The following ANOS1 variants were observed in gnomAD, a reference collection of about 807,000 sequenced individuals.
ANOS1 encodes anosmin-1.
Under a neutral mutation model 59.0 loss-of-function variants are expected in ANOS1, and 6 were observed. The observed-to-expected ratio is 0.10, with a 90% CI of 0.06 to 0.20. ANOS1 has a LOEUF of 0.20. Ranked by LOEUF, ANOS1 falls within the 10% of genes least tolerant of loss-of-function variation. The pLI, the probability that ANOS1 is intolerant of heterozygous loss-of-function variation, is 1.00. For synonymous variants in ANOS1, 217 were observed against 223.4 expected (o/e 0.97, Z 0.25); for missense variants, 433 against 542.3 (o/e 0.80, Z 2.00).
At chrX:8,675,109 A>G in intron 2 of ANOS1, among the ~76,000 whole-genome samples, 1 of 111,335 alleles carries the variant, frequency 9.0e-6, no homozygotes. Context: ...AATAGGGTCT[A>G]GTTCGTCTGG....
chrX:8,595,877 G>GCCACT (rs1930726797), intron 4 of ANOS1, among the ~76,000 whole-genome samples: 1 of 111,205 alleles, frequency 9.0e-6, no homozygotes, highest in Non-Finnish European at 1.9e-5. Context: ...TGTATTTACA[G>GCCACT]CCACTCCTCA....
chrX:8,704,793 T>C (rs1051334072), intron 1 of ANOS1, among the ~76,000 whole-genome samples: 1 of 111,834 alleles, frequency 8.9e-6, no homozygotes, highest in Non-Finnish European at 1.9e-5. Context: ...TCCTTTGTTA[T>C]TATTGATGTG....
chrX:8,720,476 A>G (rs1932867583), intron 1 of ANOS1, among the ~76,000 whole-genome samples: 3 of 112,509 alleles, frequency 2.7e-5, no homozygotes, highest in Non-Finnish European at 5.6e-5. Context: ...GAAAAATATC[A>G]ATATCCATGA....
At chrX:8,585,012 AC>A (rs1212489112) in intron 6 of ANOS1, among the ~76,000 whole-genome samples, 1 of 102,180 alleles carries the variant, frequency 9.8e-6, no homozygotes, top group East Asian at 3.0e-4. Flanking sequence ...GATAATGAAA[AC>A]CCCCCCGCCA....
chrX:8,668,030 T>TA (rs1311502948), intron 2 of ANOS1, among the ~76,000 whole-genome samples: 1 of 110,706 alleles, frequency 9.0e-6, no homozygotes, highest in African/African-American at 3.3e-5. Context: ...AAGGTATTTT[T>TA]AAATTTTTTT....
At position 8,651,716 on chromosome X, in the gene ANOS1, G is replaced by A. The variant is rs778469562; in HGVS notation, c.256-28046C>T. Among the ~76,000 whole-genome samples, 4 of 112,058 alleles carry A rather than the reference G, an allele frequency of 3.6e-5. No individual in the cohort carries two copies. The South Asian group carries it at 1.1e-3, about 31-fold the overall frequency. On this transcript the variant is annotated intron_variant, in intron 2 of 13. Transcript: ENST00000262648. Reference sequence around the variant, plus strand: ...CTCGTACAAAACTAGGCACATTGCCGCCTTCCTACCCACGTGGAATAAACT... The same window carrying A: ...CTCGTACAAAACTAGGCACATTGCCACCTTCCTACCCACGTGGAATAAACT...
chrX:8,629,644 T>G, intron 2 of ANOS1, among the ~76,000 whole-genome samples: 1 of 109,908 alleles, frequency 9.1e-6, no homozygotes, highest in Non-Finnish European at 1.9e-5. Flanking sequence ...AACTCATGAG[T>G]GGAAGTACTG....
At chrX:8,676,195 C>T (rs926115268) in intron 2 of ANOS1, among the ~76,000 whole-genome samples, 4 of 111,129 alleles carry the variant, frequency 3.6e-5, no homozygotes, top group Middle Eastern at 9.2e-3. Flanking sequence ...ATTTGTAGGG[C>T]CAGCAAAAAA....
At chrX:8,706,023 T>C (rs1207711206) in intron 1 of ANOS1, among the ~76,000 whole-genome samples, 1 of 112,655 alleles carries the variant, frequency 8.9e-6, no homozygotes, top group Non-Finnish European at 1.9e-5. Context: ...GTTATTTCAA[T>C]GACATTTTCC....
intron 2 of ANOS1, among the ~76,000 whole-genome samples, chrX:8,665,391 G>A (rs1015477118): frequency 1.7e-4 from 19 of 112,365 alleles, no homozygotes; most frequent in African/African-American, 5.8e-4. Flanking sequence ...GTGAGATATT[G>A]CACTCCCTAA....
rs199771303 is a variant in ANOS1, at chrX:8,533,023, T to C, written c.2015A>G (p.His672Arg). 2.9e-4 allele frequency: 336 copies of C among 1,170,607 alleles called. 1 individual carries two copies. Among genetic ancestry groups the C allele is most frequent in the Middle Eastern group, 4.7e-4 (2 of 4,259 alleles). Residue 672 changes from histidine (H) to arginine (R), a missense_variant, in exon 14 of 14, where the codon CAT (histidine) becomes CGT (arginine). Coordinates refer to ENST00000262648, the MANE Select transcript of ANOS1 (RefSeq NM_000216.4). ...GTATCTTTCTGGAGAAGGCTTGTAA[T>C]GATGTGGATGACGATGCTTAAGATG... ...RSHLKHRHPH[H>R]YKPSPERY
At chrX:8,720,206 T>C (rs1474821977) in intron 1 of ANOS1, among the ~76,000 whole-genome samples, 2 of 111,505 alleles carry the variant, frequency 1.8e-5, no homozygotes, top group East Asian at 5.7e-4. Context: ...GGCTGTCACA[T>C]ACATGCAAGC....
chrX:8,685,968 C>T (rs768053590), intron 2 of ANOS1, among the ~76,000 whole-genome samples: 79 of 112,014 alleles, frequency 7.1e-4, no homozygotes, highest in African/African-American at 2.5e-3. Flanking sequence ...AACAAAAGCG[C>T]CCCACCTTTG....
At chrX:8,631,061 G>A (rs1303494390) in intron 2 of ANOS1, among the ~76,000 whole-genome samples, 2 of 111,992 alleles carry the variant, frequency 1.8e-5, no homozygotes, top group Non-Finnish European at 3.8e-5. Context: ...GGGAACTGAT[G>A]GTGTCACCAA....
intron 3 of ANOS1, among the ~76,000 whole-genome samples, chrX:8,606,327 A>G (rs1930943070): frequency 8.9e-6 from 1 of 112,073 alleles, no homozygotes; most frequent in Non-Finnish European, 1.9e-5. Context: ...ATTAAATAAA[A>G]TAAGAATGAT....
intron 2 of ANOS1, among the ~76,000 whole-genome samples, chrX:8,663,065 C>G (rs1196294021): frequency 9.0e-6 from 1 of 111,306 alleles, no homozygotes; most frequent in African/African-American, 3.3e-5. Flanking sequence ...GATGTGGAGA[C>G]ATAGGAAGAA....
At chrX:8,618,444 A>G (rs1376073498) in intron 3 of ANOS1, among the ~76,000 whole-genome samples, 5 of 112,029 alleles carry the variant, frequency 4.5e-5, no homozygotes, top group Non-Finnish European at 9.4e-5. Context: ...TTGAGATTTC[A>G]TGAATCAGAA....
chrX:8,535,281 A>G (rs2146786369), intron 12 of ANOS1: 1 of 295,333 alleles, frequency 3.4e-6, no homozygotes, highest in African/African-American at 2.7e-5. Flanking sequence ...CTTGGACCAG[A>G]GAGACATGAG....
At chrX:8,722,593 A>C (rs1312563149) in intron 1 of ANOS1, among the ~76,000 whole-genome samples, 1 of 112,107 alleles carries the variant, frequency 8.9e-6, no homozygotes, top group Non-Finnish European at 1.9e-5. Flanking sequence ...ACACACACAC[A>C]CACACACACA....
Sources: gnomAD v4.1 joint callset for allele counts (sites outside exome capture counted in the v4.1 genomes callset) on GRCh38, gnomAD v4.1.1 for gene constraint, MANE v1.5 for transcripts, NCBI Gene and HGNC (gene_info 2026-07-23, HGNC 2026-07-21) for gene names.